HIVEP2: variants seen among roughly 807,000 people sequenced by gnomAD.
HIVEP2 encodes the protein transcription factor HIVEP2.
HIVEP2 carries 14 observed loss-of-function variants against 180.7 expected under a neutral mutation model. The observed-to-expected ratio is 0.08, with a 90% CI of 0.05 to 0.12. HIVEP2 has a LOEUF of 0.12. Among genes scored for constraint, HIVEP2 ranks in the 10% least tolerant of loss-of-function variants. The pLI, the probability that HIVEP2 is intolerant of heterozygous loss-of-function variation, is 1.00. For missense variants in HIVEP2, 2,579 were observed against 3,008.5 expected, an observed-to-expected ratio of 0.86 and a Z score of 3.34; for synonymous variants, 1,184 against 1,136.4, an observed-to-expected ratio of 1.04 and a Z score of -0.84.
At chr6:142,792,756 T>C (rs1250787262) in intron 2 of HIVEP2, among the ~76,000 whole-genome samples, 1 of 151,892 alleles carries the variant, frequency 6.6e-6, no homozygotes, top group East Asian at 1.9e-4. Context: ...AATAAATGAA[T>C]ATTTCATTAA....
chr6:142,859,058 G>A (rs1775902333), intron 1 of HIVEP2, among the ~76,000 whole-genome samples: 1 of 152,182 alleles, frequency 6.6e-6, no homozygotes, highest in Non-Finnish European at 1.5e-5. Context: ...GATGGGTGTT[G>A]TTAAATGAAT....
At chr6:142,837,814 TGAGC>T (rs1562258807) in intron 1 of HIVEP2, among the ~76,000 whole-genome samples, 1 of 152,094 alleles carries the variant, frequency 6.6e-6, no homozygotes, top group Non-Finnish European at 1.5e-5. Context: ...GCTAGAGGGT[TGAGC>T]AGAAGAGTGA....
intron 1 of HIVEP2, among the ~76,000 whole-genome samples, chr6:142,912,942 A>G (rs1582961629): frequency 2.0e-5 from 3 of 152,344 alleles, no homozygotes; most frequent in Non-Finnish European, 1.5e-5. Flanking sequence ...TAAGGAGAAG[A>G]AAAAATCAAA....
chr6:142,935,708 A>G (rs1405128667), intron 1 of HIVEP2, among the ~76,000 whole-genome samples: 1 of 152,112 alleles, frequency 6.6e-6, no homozygotes, highest in Non-Finnish European at 1.5e-5. Context: ...TTGGACCGTA[A>G]GCTTCTTGAG....
intron 1 of HIVEP2, among the ~76,000 whole-genome samples, chr6:142,938,111 A>G (rs769359642): frequency 2.6e-5 from 4 of 152,348 alleles, no homozygotes; most frequent in Non-Finnish European, 4.4e-5. Context: ...ATCTGTTCCA[A>G]TCTCTTCCAT....
rs567692069 is a variant in HIVEP2 at position 142,772,491 on chromosome 6, G to A, written c.2248C>T (p.Leu750Phe). ...SGFAMAGHEN[L>F]SHGHTERFDP... ...AAGCGTTCCGTGTGACCATGAGAAAGGTTTTCGTGTCCAGCCATGGCAAAT... is the reference window on the plus strand; with the variant it reads ...AAGCGTTCCGTGTGACCATGAGAAAAGTTTTCGTGTCCAGCCATGGCAAAT... Residue 750 changes from leucine to phenylalanine, a missense_variant, in exon 5 of 10, where the codon CTT becomes TTT. Transcript: ENST00000367603. This position sits in a 1 kb window ranked among gnomAD's most constrained non-coding sequence, Gnocchi z 4.9. 14 of 1,614,124 alleles carry A rather than the reference G, an allele frequency of 8.7e-6. No homozygotes were observed. The highest frequency in any genetic ancestry group is 1.1e-5 in the Non-Finnish European group (13 of 1,180,050).
At chr6:142,922,744 G>GT (rs1227601917) in intron 1 of HIVEP2, among the ~76,000 whole-genome samples, 2 of 152,156 alleles carry the variant, frequency 1.3e-5, no homozygotes, top group African/African-American at 4.8e-5. Context: ...TTTTCCAGTC[G>GT]TAAGTCTGAT....
intron 1 of HIVEP2, among the ~76,000 whole-genome samples, chr6:142,842,762 G>A (rs1223918484): frequency 6.6e-6 from 1 of 151,782 alleles, no homozygotes; most frequent in African/African-American, 2.4e-5. Context: ...AAGTAACTAA[G>A]GAAAAGGAAA....
At chr6:142,830,282 T>G (rs561011787) in intron 2 of HIVEP2, among the ~76,000 whole-genome samples, 1 of 152,232 alleles carries the variant, frequency 6.6e-6, no homozygotes, top group East Asian at 1.9e-4. Context: ...GAAGTGCATG[T>G]GTTTGCGCGT....
intron 1 of HIVEP2, among the ~76,000 whole-genome samples, chr6:142,932,764 A>G (rs900339182): frequency 2.0e-5 from 3 of 152,234 alleles, no homozygotes; most frequent in Non-Finnish European, 4.4e-5. Context: ...AAAGGTGTTT[A>G]AGTAGAATCT....
chr6:142,794,279 C>A (rs148878406), intron 2 of HIVEP2, among the ~76,000 whole-genome samples: 1 of 152,120 alleles, frequency 6.6e-6, no homozygotes, highest in African/African-American at 2.4e-5. Flanking sequence ...TGTACACAAA[C>A]AAACACACAG....
At chr6:142,812,522 C>A (rs1465055364) in intron 2 of HIVEP2, among the ~76,000 whole-genome samples, 2 of 152,096 alleles carry the variant, frequency 1.3e-5, no homozygotes, top group African/African-American at 2.4e-5. Flanking sequence ...CCATAACAAA[C>A]CTCCGTAAAA....
intron 6 of HIVEP2, among the ~76,000 whole-genome samples, chr6:142,768,025 C>G (rs197455): frequency 0.64 from 96,958 of 152,058 alleles, 31,248 homozygotes; most frequent in African/African-American, 0.66. Flanking sequence ...TGTAAGCATA[C>G]AATAAAAATA....
intron 2 of HIVEP2, among the ~76,000 whole-genome samples, chr6:142,834,110 G>A (rs911860767): frequency 8.5e-5 from 13 of 152,112 alleles, no homozygotes; most frequent in Admixed American, 2.0e-4. Context: ...TTATCAAATC[G>A]TTATAAGACC....
chr6:142,785,309 C>CAAAAAAAAAAAAAAAA (rs57458259), intron 2 of HIVEP2, among the ~76,000 whole-genome samples: 3 of 65,396 alleles, frequency 4.6e-5, no homozygotes, highest in East Asian at 6.6e-4. Flanking sequence ...TGGCATTCCT[C>CAAAAAAAAAAAAAAAA]AAAAAAAAAA....
chr6:142,845,276 C>G (rs1020829266), intron 1 of HIVEP2, among the ~76,000 whole-genome samples: 13 of 152,134 alleles, frequency 8.5e-5, no homozygotes, highest in African/African-American at 3.1e-4. Context: ...TATTAAGGCA[C>G]AGTGCAAGGT....
chr6:142,908,240 A>C (rs1380772596), intron 1 of HIVEP2, among the ~76,000 whole-genome samples: 27 of 152,210 alleles, frequency 1.8e-4, no homozygotes, highest in Admixed American at 1.8e-3. Context: ...TTGGGCAGCC[A>C]TATGTGGTGT....
At chr6:142,936,890 T>C (rs1778072315) in intron 1 of HIVEP2, among the ~76,000 whole-genome samples, 1 of 152,156 alleles carries the variant, frequency 6.6e-6, no homozygotes, top group African/African-American at 2.4e-5. Context: ...AACAGCCCTT[T>C]CCCAGAGCAG....
chr6:142,917,428 G>T (rs1452600282), intron 1 of HIVEP2, among the ~76,000 whole-genome samples: 1 of 152,206 alleles, frequency 6.6e-6, no homozygotes, highest in Non-Finnish European at 1.5e-5. Flanking sequence ...TGACATCCAC[G>T]TGACACTACA....
Sources: gnomAD v4.1 joint callset for allele counts (sites outside exome capture counted in the v4.1 genomes callset) on GRCh38, gnomAD v4.1.1 for gene constraint, Gnocchi (gnomAD v3.1) non-coding constraint, MANE v1.5 for transcripts, NCBI Gene and HGNC (gene_info 2026-07-23, HGNC 2026-07-21) for gene names.